PCDHA11: variants seen among roughly 807,000 people sequenced by gnomAD.
PCDHA11 encodes protocadherin alpha 11.
Under a neutral mutation model 70.3 loss-of-function variants are expected in PCDHA11, and 61 were observed. That is an observed-to-expected ratio of 0.87 (90% CI 0.71 to 1.07). PCDHA11 has a LOEUF of 1.07. Among genes scored for constraint, PCDHA11 ranks in the 50% least tolerant of loss-of-function variants. The probability of loss-of-function intolerance (pLI) is 0.00; values close to 1 mark genes in which losing one functional copy is unlikely to be tolerated. For synonymous variants in PCDHA11, 633 were observed against 555.1 expected (o/e 1.14, Z -1.97); for missense variants, 1,324 against 1,237.5 (o/e 1.07, Z -1.05).
rs549678873 is a variant in PCDHA11, at chr5:140,877,710, G to GA, written c.2391+6217dup. ...CGCTGGTGTGCTCCAGCGCCGTGGG[G>GA]AGTTGGTCTTACTCGCAGCAGAGGA... is the stretch of plus-strand genomic sequence containing the variant. On this transcript the variant is annotated intron_variant, in intron 1 of 3. Transcript: ENST00000398640. 3.7e-5 allele frequency: 60 copies of GA among 1,614,098 alleles called. 1 individual carries two copies. The Admixed American group carries it at 8.2e-4, about 22-fold the overall frequency.
intron 1 of PCDHA11, among the ~76,000 whole-genome samples, chr5:140,978,584 C>G (rs2096810786): frequency 6.6e-6 from 1 of 152,186 alleles, no homozygotes; most frequent in African/African-American, 2.4e-5. Flanking sequence ...TGGGAATGTT[C>G]CCTTAATGGG....
chr5:140,958,077 A>G (rs2095408004), intron 1 of PCDHA11, among the ~76,000 whole-genome samples: 2 of 152,124 alleles, frequency 1.3e-5, no homozygotes, highest in South Asian at 4.1e-4. Flanking sequence ...AGAAGCAAAA[A>G]GTAAAGTTGT....
At chr5:140,979,350 A>T (rs113796939) in intron 2 of PCDHA11, among the ~76,000 whole-genome samples, 1,685 of 150,698 alleles carry the variant, frequency 0.011, 22 homozygotes, top group East Asian at 0.044. Flanking sequence ...TGTAATTAAT[A>T]CTCATGCTTT....
At chr5:141,000,052 C>G (rs945182675) in intron 3 of PCDHA11, among the ~76,000 whole-genome samples, 2 of 152,100 alleles carry the variant, frequency 1.3e-5, no homozygotes, top group Admixed American at 1.3e-4. Flanking sequence ...CACCACTCTC[C>G]CAGCTGCTCT....
chr5:140,884,428 G>T, intron 1 of PCDHA11: 1 of 1,613,962 alleles, frequency 6.2e-7, no homozygotes, highest in East Asian at 2.2e-5. Flanking sequence ...TGTATACTGC[G>T]CTGCGGTGCT....
At chr5:140,968,467 A>G (rs2153771249) in intron 1 of PCDHA11, 1 of 1,614,124 alleles carries the variant, frequency 6.2e-7, no homozygotes, top group Non-Finnish European at 8.5e-7. Flanking sequence ...CTGCCAACGT[A>G]TATGTGGTGG....
At chr5:140,876,963 G>T in intron 1 of PCDHA11, 4 of 1,613,068 alleles carry the variant, frequency 2.5e-6, no homozygotes, top group Non-Finnish European at 2.5e-6. Context: ...TGGTGGAGCG[G>T]CGGGTGGGCG....
At chr5:140,967,291 C>T (rs782682819) in intron 1 of PCDHA11, 11 of 1,612,754 alleles carry the variant, frequency 6.8e-6, no homozygotes, top group South Asian at 1.1e-5. Context: ...CGCAGGACCC[C>T]GACGTGGGCG....
chr5:140,959,408 A>C (rs1554224058), intron 1 of PCDHA11, among the ~76,000 whole-genome samples: 2 of 152,124 alleles, frequency 1.3e-5, no homozygotes, highest in Non-Finnish European at 1.5e-5. Context: ...TAAAGTGTTG[A>C]TTGATCTGAG....
intron 3 of PCDHA11, among the ~76,000 whole-genome samples, chr5:140,982,864 T>G (rs1294289316): frequency 1.3e-5 from 2 of 152,114 alleles, no homozygotes; most frequent in Non-Finnish European, 2.9e-5. Flanking sequence ...TTCAAATGCT[T>G]AGGTCATCCA....
intron 1 of PCDHA11, among the ~76,000 whole-genome samples, chr5:140,941,768 T>C (rs576405772): frequency 2.6e-5 from 4 of 152,254 alleles, no homozygotes; most frequent in Non-Finnish European, 5.9e-5. Context: ...TTTAAGATAA[T>C]TGTTTTAATG....
rs782463268 is a variant in PCDHA11, at chr5:140,941,198, TCTTCCTTTCTTTCTTC to T, written c.2392-37747_2392-37732del. On this transcript the variant is annotated intron_variant, in intron 1 of 3. Transcript: ENST00000398640. ...AACATCCTGCTTCTTTTTTTTTCTTTCTTCCTTTCTTTCTTCCTTTCTTTCTTTCTTTCTTTCTTTC... is the reference window on the plus strand; with the variant it reads ...AACATCCTGCTTCTTTTTTTTTCTTTCTTTCTTTCTTTCTTTCTTTCTTTC... 2.9e-3 allele frequency among the ~76,000 whole-genome samples: 353 copies of T among 119,898 alleles called. 1 individual carries two copies. Among genetic ancestry groups the T allele is most frequent in the African/African-American group, 8.8e-3 (254 of 28,982 alleles). The allele number at this position is 119,898 out of a possible 152,430, so 78.7% of individuals were successfully genotyped here.
intron 1 of PCDHA11, chr5:140,928,245 A>G: frequency 2.5e-6 from 4 of 1,614,192 alleles, no homozygotes; most frequent in Non-Finnish European, 8.5e-7. Context: ...CCCAGCAGGA[A>G]CTTTTCGTTG....
At chr5:140,955,043 T>C (rs1285355120) in intron 1 of PCDHA11, among the ~76,000 whole-genome samples, 1 of 152,176 alleles carries the variant, frequency 6.6e-6, no homozygotes, top group Non-Finnish European at 1.5e-5. Context: ...CTTTTCCTCA[T>C]TGCTTGTTTT....
At chr5:140,911,654 T>C (rs1554194855) in intron 1 of PCDHA11, among the ~76,000 whole-genome samples, 1 of 152,218 alleles carries the variant, frequency 6.6e-6, no homozygotes, top group Non-Finnish European at 1.5e-5. Flanking sequence ...ATAGAGTTAC[T>C]AAACTCCTTG....
Position 140,870,496 on chromosome 5 carries a change from G to A in PCDHA11, c.1393G>A (p.Glu465Lys). The A allele has an allele frequency of 6.2e-7, 1 of 1,614,234 alleles. No individual in the cohort carries two copies. The highest frequency in any genetic ancestry group is 8.5e-7 in the Non-Finnish European group (1 of 1,180,046). ...AQPEYTVFVK[E>K]NNPPGCHIFT... is the part of the protein sequence containing the mutation. ...GCCCGAGTACACCGTGTTCGTGAAG[G>A]AGAACAACCCACCAGGCTGCCACAT... Residue 465 changes from glutamate (E) to lysine (K), a missense_variant, in exon 1 of 4, where the codon GAG becomes AAG. Physicochemically the swap from Glu to Lys is moderately conservative, Grantham distance 56. Transcript: ENST00000398640.
At chr5:140,928,696 C>A in intron 1 of PCDHA11, 2 of 1,614,146 alleles carry the variant, frequency 1.2e-6, no homozygotes, top group South Asian at 2.2e-5. Flanking sequence ...CCACATCTCC[C>A]GGGCGTCTGA....
At chr5:140,957,070 C>T (rs1260856872) in intron 1 of PCDHA11, among the ~76,000 whole-genome samples, 2 of 151,958 alleles carry the variant, frequency 1.3e-5, no homozygotes, top group Non-Finnish European at 2.9e-5. Context: ...TGACTGAGGG[C>T]TTTTTATTAA....
At chr5:140,988,093 G>C (rs17119334) in intron 3 of PCDHA11, among the ~76,000 whole-genome samples, 1 of 152,036 alleles carries the variant, frequency 6.6e-6, no homozygotes, top group Non-Finnish European at 1.5e-5. Flanking sequence ...GTGCAGCCTC[G>C]GGCCTTGTTG....
Sources: gnomAD v4.1 joint callset for allele counts (sites outside exome capture counted in the v4.1 genomes callset) on GRCh38, gnomAD v4.1.1 for gene constraint, MANE v1.5 for transcripts, NCBI Gene and HGNC (gene_info 2026-07-23, HGNC 2026-07-21) for gene names.